EPO: variants seen among roughly 807,000 people sequenced by gnomAD.
EPO encodes the protein epoetin.
In EPO, 12 loss-of-function variants were observed where a neutral mutation model predicts 24.4. The observed-to-expected ratio is 0.49, with a 90% confidence interval of 0.32 to 0.80. EPO has a LOEUF of 0.80. EPO is among the 30% of genes least tolerant of loss of function. The pLI is 0.04. For missense variants in EPO, 210 were observed against 238.0 expected (o/e 0.88, Z 0.77); for synonymous variants, 107 against 104.0 (o/e 1.03, Z -0.18).
chr7:100,720,853 TG>T lies in EPO; in HGVS notation c.-126del. On this transcript the variant is annotated 5_prime_UTR_variant, in exon 1 of 5. It introduces an in-frame stop codon into an upstream open reading frame of the 5' UTR. Coordinates refer to ENST00000252723, the MANE Select transcript of EPO (RefSeq NM_000799.4). Reference sequence around the variant, plus strand: ...CGCTCTGCTCCGACACCGCGCCCCCTGGACAGCCGCCCTCTCCTCCAGGCCC... The same window carrying T: ...CGCTCTGCTCCGACACCGCGCCCCCTGACAGCCGCCCTCTCCTCCAGGCCC... The T allele has an allele frequency of 8.4e-7, 1 of 1,185,170 alleles. No individual in the cohort carries two copies. Among genetic ancestry groups the T allele is most frequent in the Non-Finnish European group, 1.1e-6 (1 of 915,872 alleles). 73.4% of individuals were successfully genotyped at this position (1,185,170 alleles called of 1,614,324 possible). A position where few individuals can be genotyped will look rare whatever the true frequency, so the allele number is the denominator to read the frequency against.
rs1806729397 is a variant in EPO at position 100,720,923 on chromosome 7, C to T, written c.-58C>T. The stretch of plus-strand genomic sequence containing the variant: ...CGCCGAGCTTCCCGGGATGAGGGCC[C>T]CCGGTGTGGTCACCCGGCGCGCCCC... On this transcript the variant is annotated 5_prime_UTR_variant, in exon 1 of 5. Transcript: ENST00000252723. 3 of 1,527,028 alleles carry T rather than the reference C, an allele frequency of 2.0e-6. No individual in the cohort carries two copies. Among genetic ancestry groups the T allele is most frequent in the Non-Finnish European group, 2.6e-6 (3 of 1,139,884 alleles). 94.6% of individuals were successfully genotyped at this position (1,527,028 alleles called of 1,614,324 possible).
At position 100,721,919 on chromosome 7, in the gene EPO, A is replaced by G; in HGVS notation, c.160-43A>G. On this transcript the variant is annotated intron_variant, in intron 2 of 4. Coordinates refer to ENST00000252723, the MANE Select transcript of EPO (RefSeq NM_000799.4). This position sits in a 1 kb window ranked among gnomAD's most constrained non-coding sequence, Gnocchi z 4.0. ...CCTACGGCCTGTGGGCCAGGGCCAG[A>G]GCCTTCAGGGACCCTTGACTCCCCG... 6.3e-7 allele frequency: 1 copy of G among 1,583,702 alleles called. No homozygotes were observed. Among genetic ancestry groups the G allele is most frequent in the Non-Finnish European group, 8.6e-7 (1 of 1,168,830 alleles).
Position 100,723,268 on chromosome 7 carries a change from C to A in EPO, c.*135C>A. ...AGCCTGTCCCATGGACACTCCAGTGCCAGCAATGACATCTCAGGGGCCAGA... is the reference window on the plus strand; with the variant it reads ...AGCCTGTCCCATGGACACTCCAGTGACAGCAATGACATCTCAGGGGCCAGA... On this transcript the variant is annotated 3_prime_UTR_variant, in exon 5 of 5. Coordinates refer to ENST00000252723, the MANE Select transcript of EPO (RefSeq NM_000799.4). 9.9e-7 allele frequency: 1 copy of A among 1,012,934 alleles called. No homozygotes were observed. Among genetic ancestry groups the A allele is most frequent in the Non-Finnish European group, 1.4e-6 (1 of 696,302 alleles). The allele number at this position is 1,012,934 out of a possible 1,614,324, so 62.7% of individuals were successfully genotyped here.
At position 100,722,667 on chromosome 7, in the gene EPO, G is replaced by C. The variant is rs137953994; in HGVS notation, c.250G>C (p.Gly84Arg). 2.2e-5 allele frequency: 35 copies of C among 1,589,578 alleles called. No homozygotes were observed. The highest frequency in any genetic ancestry group is 2.6e-5 in the Non-Finnish European group (31 of 1,172,920). The part of the protein sequence containing the change: ...NFYAWKRMEV[G>R]QQAVEVWQGL... ...TCCCAGAGTCCACTCCCTGTAGGTC[G>C]GGCAGCAGGCCGTAGAAGTCTGGCA... is the stretch of plus-strand genomic sequence containing the variant. Residue 84 changes from glycine to arginine, a missense_variant, in exon 4 of 5, where the codon GGG becomes CGG. Gly to Arg is a moderately radical substitution (Grantham distance 125). Transcript: ENST00000252723.
In EPO at chr7:100,721,886, C is replaced by T; in HGVS notation, c.160-76C>T. 2 of 1,548,932 alleles carry T rather than the reference C, an allele frequency of 1.3e-6. No individual in the cohort carries two copies. The highest frequency in any genetic ancestry group is 2.4e-5 in the South Asian group (2 of 83,358). On this transcript the variant is annotated intron_variant, in intron 2 of 4. Transcript: ENST00000252723. The surrounding 1 kb of genome is among the most constrained non-coding windows in gnomAD (Gnocchi z 4.0). ...CTGGAAACTAGGCAAGGAGCAAAGC[C>T]AGCAGATCCTACGGCCTGTGGGCCA...
In EPO at chr7:100,720,763, C is replaced by G. The variant is rs1240656458; in HGVS notation, c.-218C>G. On this transcript the variant is annotated 5_prime_UTR_variant, in exon 1 of 5. Transcript: ENST00000252723. ...GAGCCGCAGAGTCCCTGGGCCACCCCGGCCGCTCGCTGCGCTGCGCCGCAC... is the reference window on the plus strand; with the variant it reads ...GAGCCGCAGAGTCCCTGGGCCACCCGGGCCGCTCGCTGCGCTGCGCCGCAC... 6.5e-6 allele frequency: 3 copies of G among 463,072 alleles called. No homozygotes were observed. The highest frequency in any genetic ancestry group is 4.1e-5 in the African/African-American group (2 of 48,988). 28.7% of individuals were successfully genotyped at this position (463,072 alleles called of 1,614,324 possible).
chr7:100,721,460 G>A lies in EPO; in HGVS notation c.14-98G>A. The A allele has an allele frequency of 1.3e-6, 2 of 1,498,030 alleles. No individual in the cohort carries two copies. The highest frequency in any genetic ancestry group is 1.8e-6 in the Non-Finnish European group (2 of 1,111,338). 92.8% of individuals were successfully genotyped at this position (1,498,030 alleles called of 1,614,324 possible). A position where few individuals can be genotyped will look rare whatever the true frequency, so the allele number is the denominator to read the frequency against. On this transcript the variant is annotated intron_variant, in intron 1 of 4. Transcript: ENST00000252723. This position sits in a 1 kb window ranked among gnomAD's most constrained non-coding sequence, Gnocchi z 4.0. The stretch of plus-strand genomic sequence containing the variant: ...TGCTTGCATGGTTGGGGACAGGAAG[G>A]ACGAGCTGGGGCAGAGACGTGGGGA...
chr7:100,722,727 G>A lies in EPO; in HGVS notation c.310G>A (p.Gly104Ser), dbSNP rs754729905. ...LALLSEAVLR[G>S]QALLVNSSQP... is the part of the protein sequence containing the mutation. ...CCTGCTGTCGGAAGCTGTCCTGCGGGGCCAGGCCCTGTTGGTCAACTCTTC... is the reference window on the plus strand; with the variant it reads ...CCTGCTGTCGGAAGCTGTCCTGCGGAGCCAGGCCCTGTTGGTCAACTCTTC... The change falls in exon 4 of 5, where the codon GGC becomes AGC. Residue 104 changes from glycine (G) to serine (S), a missense_variant. Physicochemically the swap from Gly to Ser is moderately conservative, Grantham distance 56. Transcript: ENST00000252723. 8.1e-6 allele frequency: 13 copies of A among 1,613,640 alleles called. No individual in the cohort carries two copies. The East Asian group carries it at 2.7e-4, about 33-fold the overall frequency.
rs1321322991 is a variant in EPO, at chr7:100,721,964, G to C, written c.162G>C (p.Thr54=). The C allele has an allele frequency of 2.5e-6, 4 of 1,608,666 alleles. No individual in the cohort carries two copies. The Admixed American group carries it at 5.1e-5, about 21-fold the overall frequency. The change falls in exon 3 of 5, where the codon ACG becomes ACC. Residue 54 remains threonine, a splice_region_variant and synonymous_variant. Coordinates refer to ENST00000252723, the MANE Select transcript of EPO (RefSeq NM_000799.4). The surrounding 1 kb of genome is among the most constrained non-coding windows in gnomAD (Gnocchi z 4.0). ...LEAKEAENIT[T]GCAEHCSLNE... ...TCCCCGGGCTGTGTGCATTTCAGACGGGCTGTGCTGAACACTGCAGCTTGA... is the reference window on the plus strand; with the variant it reads ...TCCCCGGGCTGTGTGCATTTCAGACCGGCTGTGCTGAACACTGCAGCTTGA...
chr7:100,722,667 G>A lies in EPO; in HGVS notation c.250G>A (p.Gly84Arg), dbSNP rs137953994. 1,881 of 1,589,690 alleles carry A rather than the reference G, an allele frequency of 1.2e-3. 2 individuals carry two copies. Among genetic ancestry groups the A allele is most frequent in the Middle Eastern group, 5.3e-3 (24 of 4,504 alleles). The part of the protein sequence containing the change: ...NFYAWKRMEV[G>R]QQAVEVWQGL... The stretch of plus-strand genomic sequence containing the variant: ...TCCCAGAGTCCACTCCCTGTAGGTC[G>A]GGCAGCAGGCCGTAGAAGTCTGGCA... Residue 84 changes from glycine (G) to arginine (R), a missense_variant, in exon 4 of 5, where the codon GGG becomes AGG. By Grantham distance (125) the Gly-to-Arg change is moderately radical. Transcript: ENST00000252723.
rs1342162287 is a variant in EPO at position 100,722,715 on chromosome 7, G to C, written c.298G>C (p.Ala100Pro). 6.2e-7 allele frequency: 1 copy of C among 1,613,008 alleles called. No individual in the cohort carries two copies. The highest frequency in any genetic ancestry group is 8.5e-7 in the Non-Finnish European group (1 of 1,179,924). The change falls in exon 4 of 5, where the codon GCT becomes CCT. Residue 100 changes from alanine to proline, a missense_variant. Coordinates refer to ENST00000252723, the MANE Select transcript of EPO (RefSeq NM_000799.4). The stretch of plus-strand genomic sequence containing the variant: ...GCAGGGCCTGGCCCTGCTGTCGGAA[G>C]CTGTCCTGCGGGGCCAGGCCCTGTT... ...VWQGLALLSE[A>P]VLRGQALLVN... is the part of the protein sequence containing the mutation.
rs370493713 is a variant in EPO, at chr7:100,722,679, G to A, written c.262G>A (p.Val88Ile). ...WKRMEVGQQAVEVWQGLALLS... is the reference protein window; with the variant it reads ...WKRMEVGQQAIEVWQGLALLS... Reference sequence around the variant, plus strand: ...CTCCCTGTAGGTCGGGCAGCAGGCCGTAGAAGTCTGGCAGGGCCTGGCCCT... The same window carrying A: ...CTCCCTGTAGGTCGGGCAGCAGGCCATAGAAGTCTGGCAGGGCCTGGCCCT... The change falls in exon 4 of 5, where the codon GTA becomes ATA. Residue 88 changes from valine to isoleucine, a missense_variant. Coordinates refer to ENST00000252723, the MANE Select transcript of EPO (RefSeq NM_000799.4). The A allele has an allele frequency of 1.3e-6, 2 of 1,598,530 alleles. No individual in the cohort carries two copies. Among genetic ancestry groups the A allele is most frequent in the African/African-American group, 1.4e-5 (1 of 73,752 alleles).
In EPO at chr7:100,721,081, C is replaced by A; in HGVS notation, c.13+88C>A. 1.4e-6 allele frequency: 2 copies of A among 1,417,790 alleles called. No individual in the cohort carries two copies. The highest frequency in any genetic ancestry group is 1.4e-5 in the South Asian group (1 of 69,976). 87.8% of individuals were successfully genotyped at this position (1,417,790 alleles called of 1,614,324 possible). A position where few individuals can be genotyped will look rare whatever the true frequency, so the allele number is the denominator to read the frequency against. On this transcript the variant is annotated intron_variant, in intron 1 of 4. Coordinates refer to ENST00000252723, the MANE Select transcript of EPO (RefSeq NM_000799.4). The surrounding 1 kb of genome is among the most constrained non-coding windows in gnomAD (Gnocchi z 4.0). The stretch of plus-strand genomic sequence containing the variant: ...GCCCCGGCTATTGGCCAGGAGGTGG[C>A]TGGGTTCAAGGACCGGCGACTTGTC...
At position 100,723,157 on chromosome 7, in the gene EPO, T is replaced by C. The variant is rs1262449874; in HGVS notation, c.*24T>C. Reference sequence around the variant, plus strand: ...GACCAGGTGTGTCCACCTGGGCATATCCACCACCTCCCTCACCAACATTGC... The same window carrying C: ...GACCAGGTGTGTCCACCTGGGCATACCCACCACCTCCCTCACCAACATTGC... On this transcript the variant is annotated 3_prime_UTR_variant, in exon 5 of 5. Coordinates refer to ENST00000252723, the MANE Select transcript of EPO (RefSeq NM_000799.4). 6.2e-7 allele frequency: 1 copy of C among 1,602,990 alleles called. No homozygotes were observed.
chr7:100,721,442 A>G lies in EPO; in HGVS notation c.14-116A>G. The G allele has an allele frequency of 7.2e-7, 1 of 1,383,612 alleles. No homozygotes were observed. 85.7% of individuals were successfully genotyped at this position (1,383,612 alleles called of 1,614,324 possible). A position where few individuals can be genotyped will look rare whatever the true frequency, so the allele number is the denominator to read the frequency against. ...AGGGAGGCAGCACCTGAGTGCTTGC[A>G]TGGTTGGGGACAGGAAGGACGAGCT... On this transcript the variant is annotated intron_variant, in intron 1 of 4. Coordinates refer to ENST00000252723, the MANE Select transcript of EPO (RefSeq NM_000799.4). The surrounding 1 kb of genome is among the most constrained non-coding windows in gnomAD (Gnocchi z 4.0).
Position 100,722,755 on chromosome 7 carries a change from A to G in EPO, c.338A>G (p.Gln113Arg). The G allele has an allele frequency of 6.2e-7, 1 of 1,613,942 alleles. No individual in the cohort carries two copies. Among genetic ancestry groups the G allele is most frequent in the South Asian group, 1.1e-5 (1 of 91,084 alleles). ...RGQALLVNSS[Q>R]PWEPLQLHVD... ...CAGGCCCTGTTGGTCAACTCTTCCC[A>G]GCCGTGGGAGCCCCTGCAGCTGCAT... The change falls in exon 4 of 5, where the codon CAG (glutamine) becomes CGG (arginine). Residue 113 changes from glutamine (Q) to arginine (R), a missense_variant. Coordinates refer to ENST00000252723, the MANE Select transcript of EPO (RefSeq NM_000799.4).
In EPO at chr7:100,720,777, G is replaced by T; in HGVS notation, c.-204G>T. Reference sequence around the variant, plus strand: ...CTGGGCCACCCCGGCCGCTCGCTGCGCTGCGCCGCACCGCGCTGTCCTCCC... The same window carrying T: ...CTGGGCCACCCCGGCCGCTCGCTGCTCTGCGCCGCACCGCGCTGTCCTCCC... On this transcript the variant is annotated 5_prime_UTR_variant, in exon 1 of 5. Coordinates refer to ENST00000252723, the MANE Select transcript of EPO (RefSeq NM_000799.4). The T allele has an allele frequency of 2.0e-6, 1 of 508,966 alleles. No homozygotes were observed. Among genetic ancestry groups the T allele is most frequent in the Non-Finnish European group, 3.1e-6 (1 of 322,368 alleles). 31.5% of individuals were successfully genotyped at this position (508,966 alleles called of 1,614,324 possible).
chr7:100,721,075 A>G lies in EPO; in HGVS notation c.13+82A>G. 7.4e-7 allele frequency: 1 copy of G among 1,348,530 alleles called. No homozygotes were observed. Among genetic ancestry groups the G allele is most frequent in the Non-Finnish European group, 9.7e-7 (1 of 1,031,638 alleles). 83.5% of individuals were successfully genotyped at this position (1,348,530 alleles called of 1,614,324 possible). Reference sequence around the variant, plus strand: ...TTTAGCGCCCCGGCTATTGGCCAGGAGGTGGCTGGGTTCAAGGACCGGCGA... The same window carrying G: ...TTTAGCGCCCCGGCTATTGGCCAGGGGGTGGCTGGGTTCAAGGACCGGCGA... On this transcript the variant is annotated intron_variant, in intron 1 of 4. Transcript: ENST00000252723. This position sits in a 1 kb window ranked among gnomAD's most constrained non-coding sequence, Gnocchi z 4.0.
At chr7:100,722,556 G>T in intron 3 of EPO, 108 bp from the exon 4 acceptor site, 1 of 817,030 alleles carries the variant, frequency 1.2e-6, no homozygotes, top group Non-Finnish European at 2.0e-6. Flanking sequence ...CATTCAACAA[G>T]TCTTATTGCA....
Sources: gnomAD v4.1 joint callset for allele counts on GRCh38, gnomAD v4.1.1 for gene constraint, Gnocchi (gnomAD v3.1) non-coding constraint, MANE v1.5 for transcripts, NCBI Gene and HGNC (gene_info 2026-07-23, HGNC 2026-07-21) for gene names.